Variants in CPAMD8 observed in about 807,000 individuals in gnomAD.
The protein encoded by CPAMD8 is C3 and PZP like alpha-2-macroglobulin domain containing 8, also known as C3 and PZP-like alpha-2-macroglobulin domain-containing protein 8.
Under a neutral mutation model 224.7 loss-of-function variants are expected in CPAMD8, and 146 were observed. The observed-to-expected ratio is 0.65, with a 90% CI of 0.57 to 0.75. CPAMD8 has a LOEUF of 0.75. Among genes scored for constraint, CPAMD8 ranks in the 30% least tolerant of loss-of-function variants. The pLI is 0.00. For missense variants in CPAMD8, 2,301 were observed against 2,537.5 expected (o/e 0.91, Z 2.00); for synonymous variants, 966 against 1,044.6 (o/e 0.92, Z 1.45).
chr19:16,914,212 C>T (rs2144832710), intron 29 of CPAMD8, among the ~76,000 whole-genome samples: 1 of 152,226 alleles, frequency 6.6e-6, no homozygotes, highest in South Asian at 2.1e-4. Flanking sequence ...CCCAATTTCC[C>T]CCTAGTAGCA....
chr19:16,975,278 G>T lies in CPAMD8; in HGVS notation c.1909-20C>A. On this transcript the variant is annotated intron_variant, in intron 16 of 41. Transcript: ENST00000443236. ...GAAAACCTGCAGGCAAAGGGGGACA[G>T]AGACTTGTCAGCTGAAGTTTTCTTT... 1.3e-6 allele frequency: 2 copies of T among 1,588,788 alleles called. No individual in the cohort carries two copies. Among genetic ancestry groups the T allele is most frequent in the East Asian group, 2.3e-5 (1 of 44,070 alleles).
chr19:16,921,020 T>C (rs980397513), intron 27 of CPAMD8, among the ~76,000 whole-genome samples: 2 of 151,962 alleles, frequency 1.3e-5, no homozygotes, highest in African/African-American at 2.4e-5. Flanking sequence ...TAAGACGTGA[T>C]TGGGGCCTTG....
chr19:16,913,643 G>A (rs2052812341), intron 29 of CPAMD8, among the ~76,000 whole-genome samples: 1 of 152,068 alleles, frequency 6.6e-6, no homozygotes. Context: ...AGGGCATTAG[G>A]AATTCAGCAT....
chr19:16,895,375 G>T (rs996506309), intron 41 of CPAMD8: 3 of 154,584 alleles, frequency 1.9e-5, no homozygotes, highest in African/African-American at 7.2e-5. Context: ...ATTAAAAAAA[G>T]AATAAACTAT....
intron 13 of CPAMD8, among the ~76,000 whole-genome samples, chr19:16,982,351 C>T (rs2122784395): frequency 6.6e-6 from 1 of 151,732 alleles, no homozygotes; most frequent in Non-Finnish European, 1.5e-5. Context: ...ATGATCATGC[C>T]ACTGCACCCT....
In CPAMD8 at chr19:16,990,832, C is replaced by T. The variant is rs554477104; in HGVS notation, c.1267-1061G>A. 8.1e-4 allele frequency among the ~76,000 whole-genome samples: 100 copies of T among 122,892 alleles called. 1 individual carries two copies. The highest frequency in any genetic ancestry group is 1.8e-3 in the African/African-American group (55 of 31,234). The allele number at this position is 122,892 out of a possible 152,430, so 80.6% of individuals were successfully genotyped here. A position where few individuals can be genotyped will look rare whatever the true frequency, so the allele number is the denominator to read the frequency against. On this transcript the variant is annotated intron_variant, in intron 12 of 41. Transcript: ENST00000443236. ...GAGCTGGAATCACGCCATTGCATTC[C>T]AGCCTGGGCAATAAGAGCAAAACTC...
intron 17 of CPAMD8, among the ~76,000 whole-genome samples, chr19:16,973,084 G>A (rs549565913): frequency 1.2e-4 from 19 of 152,130 alleles, no homozygotes; most frequent in African/African-American, 3.6e-4. Flanking sequence ...CAGGAGGATC[G>A]CTTGAGCCCA....
intron 9 of CPAMD8, among the ~76,000 whole-genome samples, 188 bp from the exon 10 acceptor site, chr19:17,000,710 C>T (rs914252906): frequency 6.6e-6 from 1 of 152,158 alleles, no homozygotes; most frequent in African/African-American, 2.4e-5. Context: ...TGCCAAGGCC[C>T]TCCGATCCTC....
rs369187828 is a variant in CPAMD8 at position 16,997,137 on chromosome 19, T to C, written c.1069A>G (p.Lys357Glu). ...TTCCCCACGTAGGCCAGGCCCGGCT[T>C]GAACTGCTTCCTCGTGTCCTTGGAG... ...RYSKDTRKQF[K>E]PGLAYVGKVE... Residue 357 changes from lysine (K) to glutamate (E), a missense_variant, in exon 11 of 42, where the codon AAG becomes GAG. By Grantham distance (56) the Lys-to-Glu change is moderately conservative. Transcript: ENST00000443236. 6.2e-7 allele frequency: 1 copy of C among 1,608,550 alleles called. No individual in the cohort carries two copies. The highest frequency in any genetic ancestry group is 1.7e-4 in the Middle Eastern group (1 of 6,044).
chr19:16,938,582 T>A, intron 22 of CPAMD8, 136 bp from the exon 23 acceptor site: 1 of 602,654 alleles, frequency 1.7e-6, no homozygotes, highest in Non-Finnish European at 2.9e-6. Flanking sequence ...TTACGTGGTA[T>A]CAGCACGGTC....
chr19:16,896,687 A>C (rs1245344744), intron 39 of CPAMD8, 22 bp from the exon 40 acceptor site: 1 of 1,406,554 alleles, frequency 7.1e-7, no homozygotes, highest in Non-Finnish European at 9.3e-7. Context: ...GGCAGGCTCG[A>C]CAGACCCCCC....
chr19:16,904,387 GAC>G, intron 31 of CPAMD8, 25 bp from the exon 32 acceptor site: 1 of 1,614,056 alleles, frequency 6.2e-7, no homozygotes, highest in East Asian at 2.2e-5. Context: ...GCCCACTGGG[GAC>G]TTTTGACACA....
intron 40 of CPAMD8, 23 bp downstream of exon 40, chr19:16,896,433 T>C (rs1008390767): frequency 2.0e-6 from 3 of 1,467,902 alleles, no homozygotes; most frequent in Non-Finnish European, 2.7e-6. Flanking sequence ...TCCCCGAGGC[T>C]AGGCGGGGGG....
chr19:16,963,051 A>C (rs972656715), intron 18 of CPAMD8, among the ~76,000 whole-genome samples: 1 of 152,228 alleles, frequency 6.6e-6, no homozygotes, highest in South Asian at 2.1e-4. Context: ...AGCACTAAAC[A>C]TAGAAAGGAA....
intron 3 of CPAMD8, among the ~76,000 whole-genome samples, chr19:17,015,016 C>T (rs1451234139): frequency 6.6e-6 from 1 of 152,190 alleles, no homozygotes; most frequent in Non-Finnish European, 1.5e-5. Flanking sequence ...CTGAGGTGGG[C>T]AGATCACCTG....
At chr19:17,013,135 C>G (rs543392020) in intron 3 of CPAMD8, among the ~76,000 whole-genome samples, 1 of 151,782 alleles carries the variant, frequency 6.6e-6, no homozygotes, top group Non-Finnish European at 1.5e-5. Context: ...GAGCCCAGAT[C>G]GCAACATTGC....
At chr19:16,911,832 C>T (rs2052740711) in intron 29 of CPAMD8, among the ~76,000 whole-genome samples, 1 of 152,244 alleles carries the variant, frequency 6.6e-6, no homozygotes, top group South Asian at 2.1e-4. Flanking sequence ...GCGTGAGCCA[C>T]CACACCCAGA....
chr19:16,950,006 T>C lies in CPAMD8; in HGVS notation c.2508+1963A>G, dbSNP rs59613409. Among the ~76,000 whole-genome samples, 1,083 of 152,094 alleles carry C rather than the reference T, an allele frequency of 7.1e-3. 21 individuals carry two copies. Among genetic ancestry groups the C allele is most frequent in the African/African-American group, 0.024 (1,012 of 41,496 alleles). Reference sequence around the variant, plus strand: ...TGGCCCACACAGGAGCTTGATAAAATGATGAAGGTGGCCAGGCGTGGTGGC... The same window carrying C: ...TGGCCCACACAGGAGCTTGATAAAACGATGAAGGTGGCCAGGCGTGGTGGC... On this transcript the variant is annotated intron_variant, in intron 20 of 41. Transcript: ENST00000443236.
chr19:16,893,414 C>T lies in CPAMD8; in HGVS notation c.5427-75G>A, dbSNP rs1449553093. On this transcript the variant is annotated intron_variant, in intron 41 of 41. Transcript: ENST00000443236. The stretch of plus-strand genomic sequence containing the variant: ...GGGCCTCGGGCTGAGGAAGGAGCCA[C>T]AGGGCCTGTCGCTTGTAGGGTGCCA... 6 of 1,037,434 alleles carry T rather than the reference C, an allele frequency of 5.8e-6. No homozygotes were observed. The African/African-American group carries it at 6.4e-5, about 11-fold the overall frequency. The allele number at this position is 1,037,434 out of a possible 1,614,324, so 64.3% of individuals were successfully genotyped here.
Sources: gnomAD v4.1 joint callset for allele counts (sites outside exome capture counted in the v4.1 genomes callset) on GRCh38, gnomAD v4.1.1 for gene constraint, MANE v1.5 for transcripts, NCBI Gene and HGNC (gene_info 2026-07-23, HGNC 2026-07-21) for gene names.